Variants in A1BG observed in about 807,000 individuals in gnomAD.
The protein encoded by A1BG is alpha-1B-glycoprotein.
Under a neutral mutation model 46.0 loss-of-function variants are expected in A1BG, and 44 were observed. The ratio of observed to expected loss-of-function variants is 0.96; its 90% CI spans 0.75 to 1.23. The LOEUF is 1.23. A1BG is among the 50% of genes most tolerant of loss of function. The pLI, the probability that A1BG is intolerant of heterozygous loss-of-function variation, is 0.00. For synonymous variants in A1BG, 316 were observed against 314.7 expected, an observed-to-expected ratio of 1.00 and a Z score of -0.04; for missense variants, 707 against 688.8, an observed-to-expected ratio of 1.03 and a Z score of -0.30.
intron 3 of A1BG, 107 bp downstream of exon 3, chr19:58,352,821 G>A: frequency 3.4e-6 from 5 of 1,458,392 alleles, no homozygotes; most frequent in Admixed American, 2.1e-5. Flanking sequence ...CAGATGGGAA[G>A]ATTGGGGCTT....
rs753106272 is a variant in A1BG at position 58,351,561 on chromosome 19, TCC to T, written c.738_739del (p.Lys248ArgfsTer37). 1.2e-6 allele frequency: 2 copies of T among 1,613,792 alleles called. No individual in the cohort carries two copies. The highest frequency in any genetic ancestry group is 1.7e-6 in the Non-Finnish European group (2 of 1,180,004). ...GCTCCTGGGTACCAGCAGCTCTTTC[TCC>T]CCGCGCCGTAGCTGGAAGTCCACTC... On this transcript the variant is annotated frameshift_variant, in exon 5 of 8. Coordinates refer to ENST00000263100, the MANE Select transcript of A1BG (RefSeq NM_130786.4). LOFTEE classifies it high-confidence loss of function.
intron 4 of A1BG, 83 bp from the exon 5 acceptor site, chr19:58,351,770 G>GCAATCC: frequency 7.5e-7 from 1 of 1,340,532 alleles, no homozygotes; most frequent in Non-Finnish European, 1.0e-6. Flanking sequence ...CCTCCGGGTG[G>GCAATCC]CAATCCCAGG....
At chr19:58,351,016 C>T (rs1320571533) in intron 5 of A1BG, 2 of 424,168 alleles carry the variant, frequency 4.7e-6, no homozygotes, top group Non-Finnish European at 8.5e-6. Flanking sequence ...CCCTGTGGTC[C>T]GCTGGGCATG....
At position 58,347,039 on chromosome 19, in the gene A1BG, G is replaced by C. The variant is rs376202936; in HGVS notation, c.1481-10C>G. On this transcript the variant is annotated splice_polypyrimidine_tract_variant and intron_variant, in intron 7 of 7. Coordinates refer to ENST00000263100, the MANE Select transcript of A1BG (RefSeq NM_130786.4). ...CGGCTGCATCAGCTTTCTAGACAAC[G>C]GGAGAAAAGAGAAATGGTGGAGGAG... 2,173 of 1,613,858 alleles carry C rather than the reference G, an allele frequency of 1.3e-3. 3 individuals carry two copies. The highest frequency in any genetic ancestry group is 1.7e-3 in the Non-Finnish European group (2,060 of 1,179,942).
intron 6 of A1BG, chr19:58,348,489 A>G (rs962056885): frequency 2.6e-5 from 4 of 152,304 alleles, no homozygotes; most frequent in African/African-American, 9.6e-5. Flanking sequence ...ATTTTATTCA[A>G]TAGTTTGAGT....
At position 58,353,304 on chromosome 19, in the gene A1BG, C is replaced by T; in HGVS notation, c.58G>A (p.Glu20Lys). The change falls in exon 2 of 8, where the codon GAA becomes AAA. Residue 20 changes from glutamate (E) to lysine (K), a missense_variant. Glu to Lys is a moderately conservative substitution (Grantham distance 56). Transcript: ENST00000263100. ...LWGVTWGPVT[E>K]AAIFYETQPS... ...CCCCTGCACTCACATATGGCTGCTT[C>T]TGTCACTGGGCCCCAGGTGACACCT... The T allele has an allele frequency of 1.9e-6, 3 of 1,613,378 alleles. No individual in the cohort carries two copies. The highest frequency in any genetic ancestry group is 1.7e-6 in the Non-Finnish European group (2 of 1,179,756).
At chr19:58,352,830 T>C (rs1445897678) in intron 3 of A1BG, 98 bp downstream of exon 3, 4 of 1,486,236 alleles carry the variant, frequency 2.7e-6, no homozygotes, top group Non-Finnish European at 3.6e-6. Flanking sequence ...AGATTGGGGC[T>C]TGGGGCTCAG....
In A1BG at chr19:58,345,212, A is replaced by C. The variant is rs994365446; in HGVS notation, c.*1810T>G. The C allele has an allele frequency of 3.3e-5, 5 of 152,240 alleles. No individual in the cohort carries two copies. The highest frequency in any genetic ancestry group is 7.3e-5 in the Non-Finnish European group (5 of 68,054). 9.4% of individuals were successfully genotyped at this position (152,240 alleles called of 1,614,324 possible). On this transcript the variant is annotated 3_prime_UTR_variant, in exon 8 of 8. Transcript: ENST00000263100. Reference sequence around the variant, plus strand: ...AACCCAATATTTTAAAGTGTGCAAAATATATAAACAGACATTTCATCAAAG... The same window carrying C: ...AACCCAATATTTTAAAGTGTGCAAACTATATAAACAGACATTTCATCAAAG...
At chr19:58,347,939 C>A in intron 6 of A1BG, 1 of 271,446 alleles carries the variant, frequency 3.7e-6, no homozygotes, top group Non-Finnish European at 6.9e-6. Flanking sequence ...GTCACTCTGA[C>A]GGGTGAAGGG....
At position 58,352,533 on chromosome 19, in the gene A1BG, G is replaced by C. The variant is rs2051970778; in HGVS notation, c.363C>G (p.Leu121=). 6.2e-7 allele frequency: 1 copy of C among 1,610,130 alleles called. No individual in the cohort carries two copies. The highest frequency in any genetic ancestry group is 2.2e-5 in the East Asian group (1 of 44,870). Residue 121 remains leucine, a synonymous_variant, in exon 4 of 8, where the codon CTC becomes CTG. Transcript: ENST00000263100. ...TGPKSLPAPW[L]SMAPVSWITP... ...TGATCCAGGACACTGGCGCCATCGA[G>C]AGCCAGGGAGCAGGCAAGGACTCTG...
Position 58,347,362 on chromosome 19 carries a change from G to A in A1BG, c.1471C>T (p.Leu491=), listed in dbSNP as rs201773235. 1.3e-4 allele frequency: 202 copies of A among 1,611,738 alleles called. No homozygotes were observed. Among genetic ancestry groups the A allele is most frequent in the Non-Finnish European group, 1.6e-4 (194 of 1,179,870 alleles). Residue 491 remains leucine, a synonymous_variant, in exon 7 of 8, where the codon CTG becomes TTG. Transcript: ENST00000263100. ...ESELSDPVEL[L]VAES The stretch of plus-strand genomic sequence containing the variant: ...CCCAGGGAAACGTCACCTGCCACCA[G>A]GAGCTCCACAGGGTCGCTGAGCTCC...
intron 4 of A1BG, chr19:58,352,061 T>G: frequency 1.4e-6 from 2 of 1,418,098 alleles, no homozygotes; most frequent in Middle Eastern, 5.2e-4. Flanking sequence ...CCCAAAGTGC[T>G]GGGATTATAG....
Position 58,350,355 on chromosome 19 carries a change from GC to G in A1BG, c.1192+14del. 1 of 1,529,400 alleles carries G rather than the reference GC, an allele frequency of 6.5e-7. No individual in the cohort carries two copies. Among genetic ancestry groups the G allele is most frequent in the East Asian group, 2.5e-5 (1 of 39,956 alleles). The allele number at this position is 1,529,400 out of a possible 1,614,324, so 94.7% of individuals were successfully genotyped here. A position where few individuals can be genotyped will look rare whatever the true frequency, so the allele number is the denominator to read the frequency against. ...TGAACCCGCGCCCGCCCTCGCTGGT[GC>G]CCCGCCAGCTCACCGTCCACGTGCA... is the stretch of plus-strand genomic sequence containing the variant. On this transcript the variant is annotated intron_variant, in intron 6 of 7. Transcript: ENST00000263100.
chr19:58,347,288 G>C, intron 7 of A1BG, 65 bp downstream of exon 7: 1 of 1,599,042 alleles, frequency 6.3e-7, no homozygotes, highest in Non-Finnish European at 8.5e-7. Context: ...CCCTCCTGGA[G>C]GTGGGCACAG....
Position 58,351,632 on chromosome 19 carries a change from G to A in A1BG, c.669C>T (p.His223=). The change falls in exon 5 of 8, where the codon CAC becomes CAT. Residue 223 remains histidine, a synonymous_variant. Coordinates refer to ENST00000263100, the MANE Select transcript of A1BG (RefSeq NM_130786.4). ...AGGTGAGGGTCACCTTGTTGCCAGG[G>A]TGCAGGACCTGGGAGGACTCTCCAT... The part of the protein sequence containing the change: ...MHHGESSQVL[H]PGNKVTLTCV... 6.2e-7 allele frequency: 1 copy of A among 1,612,810 alleles called. No homozygotes were observed. Among genetic ancestry groups the A allele is most frequent in the Non-Finnish European group, 8.5e-7 (1 of 1,179,682 alleles).
chr19:58,347,855 C>T, intron 6 of A1BG: 1 of 337,124 alleles, frequency 3.0e-6, no homozygotes, highest in South Asian at 1.4e-4. Flanking sequence ...GTGAGTGTCC[C>T]CGCACCCCTC....
Position 58,350,625 on chromosome 19 carries a change from G to A in A1BG, c.937C>T (p.Pro313Ser). ...AAGGCCCTGCCGGACTCCGGCTCCG[G>A]GGAGAACTCCGGCGCGGGCAGCGTC... ...DETLPAPEFSPEPESGRALRL... is the reference protein window; with the variant it reads ...DETLPAPEFSSEPESGRALRL... Residue 313 changes from proline (P) to serine (S), a missense_variant, in exon 6 of 8, where the codon CCG becomes TCG. By Grantham distance (74) the Pro-to-Ser change is moderately conservative. Transcript: ENST00000263100. The A allele has an allele frequency of 7.0e-7, 1 of 1,431,976 alleles. No individual in the cohort carries two copies. The highest frequency in any genetic ancestry group is 2.8e-5 in the East Asian group (1 of 35,930). 88.7% of individuals were successfully genotyped at this position (1,431,976 alleles called of 1,614,324 possible).
At position 58,351,556 on chromosome 19, in the gene A1BG, C is replaced by CT; in HGVS notation, c.744dup (p.Glu249ArgfsTer37). On this transcript the variant is annotated frameshift_variant, in exon 5 of 8. Coordinates refer to ENST00000263100, the MANE Select transcript of A1BG (RefSeq NM_130786.4). LOFTEE classifies it high-confidence loss of function. Reference sequence around the variant, plus strand: ...GTGCTGCTCCTGGGTACCAGCAGCTCTTTCTCCCCGCGCCGTAGCTGGAAG... The same window carrying CT: ...GTGCTGCTCCTGGGTACCAGCAGCTCTTTTCTCCCCGCGCCGTAGCTGGAAG... 1 of 1,613,978 alleles carries CT rather than the reference C, an allele frequency of 6.2e-7. No homozygotes were observed. The highest frequency in any genetic ancestry group is 8.5e-7 in the Non-Finnish European group (1 of 1,180,034).
chr19:58,347,315 C>A, intron 7 of A1BG, 38 bp downstream of exon 7: 1 of 1,606,882 alleles, frequency 6.2e-7, no homozygotes. Context: ...CAAACATCAG[C>A]AGACGGAACC....
Sources: allele counts gnomAD v4.1 joint callset, GRCh38; gene constraint gnomAD v4.1.1; transcripts MANE v1.5; gene names NCBI Gene and HGNC (gene_info 2026-07-23, HGNC 2026-07-21).